The following RNF213 variants were observed in gnomAD, a reference collection of about 807,000 sequenced individuals.
The protein encoded by RNF213 is ring finger protein 213, also known as E3 ubiquitin-protein ligase RNF213.
A neutral mutation model predicts 514.4 loss-of-function variants in RNF213; 341 were observed. The ratio of observed to expected loss-of-function variants is 0.66; its 90% CI spans 0.61 to 0.73. RNF213 has a LOEUF of 0.73. Among genes scored for constraint, RNF213 ranks in the 30% least tolerant of loss-of-function variants. RNF213 has a pLI of 0.00. For missense variants in RNF213, 5,767 were observed against 6,615.6 expected (o/e 0.87, Z 4.45); for synonymous variants, 2,655 against 2,658.2 (o/e 1.00, Z 0.04).
intron 22 of RNF213, among the ~76,000 whole-genome samples, chr17:80,335,643 A>T (rs2077966729): frequency 6.6e-6 from 1 of 152,190 alleles, no homozygotes; most frequent in African/African-American, 2.4e-5. Context: ...GGGACATTGA[A>T]ATTGCTCAGG....
chr17:80,328,887 C>T (rs767634608), intron 20 of RNF213, among the ~76,000 whole-genome samples: 3 of 152,194 alleles, frequency 2.0e-5, no homozygotes, highest in Non-Finnish European at 4.4e-5. Flanking sequence ...AAGTGAACCA[C>T]GAAAGAAACC....
chr17:80,355,504 A>AATGGGAATGGGGG (rs2078734025), intron 36 of RNF213, among the ~76,000 whole-genome samples: 1 of 48,812 alleles, frequency 2.0e-5, no homozygotes, highest in African/African-American at 7.3e-5. Context: ...AAGCGGGGTG[A>AATGGGAATGGGGG]CCGGGAATGG....
chr17:80,340,472 G>A (rs2078121030), intron 26 of RNF213, 116 bp downstream of exon 26: 3 of 1,014,732 alleles, frequency 3.0e-6, no homozygotes, highest in Non-Finnish European at 1.5e-6. Flanking sequence ...CAGGGAGGGT[G>A]TGATTCATCT....
At chr17:80,294,075 C>T (rs796716173) in intron 8 of RNF213, among the ~76,000 whole-genome samples, 5 of 152,320 alleles carry the variant, frequency 3.3e-5, no homozygotes, top group African/African-American at 1.2e-4. Context: ...TTCACGTGGC[C>T]TCTGACCCTG....
At position 80,317,053 on chromosome 17, in the gene RNF213, G is replaced by T. The variant is rs867509259; in HGVS notation, c.2812-135G>T. 4.1e-6 allele frequency: 4 copies of T among 972,792 alleles called. No individual in the cohort carries two copies. Among genetic ancestry groups the T allele is most frequent in the South Asian group, 1.4e-5 (1 of 71,922 alleles). The allele number at this position is 972,792 out of a possible 1,614,324, so 60.3% of individuals were successfully genotyped here. On this transcript the variant is annotated intron_variant, in intron 15 of 67. Coordinates refer to ENST00000582970, the MANE Select transcript of RNF213 (RefSeq NM_001256071.3). The surrounding 1 kb of genome is among the most constrained non-coding windows in gnomAD (Gnocchi z 4.1). ...CTAGCATGGCTGACTGTTGATGAAG[G>T]TTGGGGAGAGCCCTGGTGTTCGCGG...
rs201579066 is a variant in RNF213, at chr17:80,345,065, C to T, written c.6730C>T (p.Leu2244=). 247 of 1,614,150 alleles carry T rather than the reference C, an allele frequency of 1.5e-4. 2 individuals are homozygous for T. The South Asian group carries it at 2.6e-3, about 17-fold the overall frequency. The change falls in exon 29 of 68, where the codon CTG becomes TTG. Residue 2244 remains leucine, a synonymous_variant. Transcript: ENST00000582970. This position sits in a 1 kb window ranked among gnomAD's most constrained non-coding sequence, Gnocchi z 6.0. Reference sequence around the variant, plus strand: ...CAATCCGAGTTTTATTGGCGACACACTGAGGGGCTTCAAGAAGTTCGTGGT... The same window carrying T: ...CAATCCGAGTTTTATTGGCGACACATTGAGGGGCTTCAAGAAGTTCGTGGT... ...FCNPSFIGDT[L]RGFKKFVVTF...
At chr17:80,268,609 G>T (rs1269917581) in intron 2 of RNF213, among the ~76,000 whole-genome samples, 2 of 147,312 alleles carry the variant, frequency 1.4e-5, no homozygotes, top group Non-Finnish European at 3.0e-5. Flanking sequence ...CCATCTGTTT[G>T]TCCATCCATC....
At chr17:80,358,526 C>G (rs891373383) in intron 37 of RNF213, 47 bp downstream of exon 37, 2 of 1,541,512 alleles carry the variant, frequency 1.3e-6, no homozygotes, top group African/African-American at 1.4e-5. Context: ...TATCAGAACA[C>G]AGCAGGACCC....
intron 17 of RNF213, chr17:80,319,744 T>C: frequency 7.4e-7 from 1 of 1,356,820 alleles, no homozygotes; most frequent in South Asian, 1.5e-5. Context: ...TATCAATTTA[T>C]TTAGCTCTTT....
At position 80,371,734 on chromosome 17, in the gene RNF213, C is replaced by A. The variant is rs2079524230; in HGVS notation, c.12426-140C>A. 9.9e-6 allele frequency: 6 copies of A among 609,106 alleles called. No homozygotes were observed. In the South Asian group the frequency reaches 1.2e-4, roughly 12 times the overall value. The allele number at this position is 609,106 out of a possible 1,614,324, so 37.7% of individuals were successfully genotyped here. On this transcript the variant is annotated intron_variant, in intron 46 of 67. Transcript: ENST00000582970. ...TATGCTAAAAGGTTTTCCATAAAATCTTAGAAACCACGTATATGTATGTAT... is the reference window on the plus strand; with the variant it reads ...TATGCTAAAAGGTTTTCCATAAAATATTAGAAACCACGTATATGTATGTAT...
In RNF213 at chr17:80,369,489, C is replaced by G; in HGVS notation, c.12156-13C>G. The G allele has an allele frequency of 6.2e-7, 1 of 1,612,280 alleles. No homozygotes were observed. The highest frequency in any genetic ancestry group is 8.5e-7 in the Non-Finnish European group (1 of 1,179,678). On this transcript the variant is annotated splice_polypyrimidine_tract_variant and intron_variant, in intron 44 of 67. Transcript: ENST00000582970. The stretch of plus-strand genomic sequence containing the variant: ...AACACCATCCACCTGTCTTCTGTTT[C>G]TCGTGTTCTAAGGGAAGCCATTGAA...
chr17:80,306,362 T>C lies in RNF213; in HGVS notation c.2321T>C (p.Met774Thr), dbSNP rs1488161554. The C allele has an allele frequency of 6.2e-7, 1 of 1,614,086 alleles. No individual in the cohort carries two copies. The highest frequency in any genetic ancestry group is 8.5e-7 in the Non-Finnish European group (1 of 1,180,048). Residue 774 changes from methionine (M) to threonine (T), a missense_variant, in exon 12 of 68, where the codon ATG becomes ACG. Met to Thr is a moderately conservative substitution (Grantham distance 81, BLOSUM62 -1). This residue lies in a region of RNF213 where 592 missense variants were observed against 673.9 expected (regional missense o/e 0.88). Coordinates refer to ENST00000582970, the MANE Select transcript of RNF213 (RefSeq NM_001256071.3). ...LLPLSHLVMY[M>T]ENFIEHLGRF... ...CCTCTGAGTCACCTGGTTATGTATA[T>C]GGAAAACTTCATTGAGCACCTGGGT... is the stretch of plus-strand genomic sequence containing the variant.
Position 80,309,053 on chromosome 17 carries a change from CTG to C in RNF213, c.2543_2544del (p.Cys848SerfsTer5). On this transcript the variant is annotated frameshift_variant, in exon 14 of 68. Transcript: ENST00000582970. LOFTEE classifies it high-confidence loss of function. The stretch of plus-strand genomic sequence containing the variant: ...GAGGCCTTGTCACCATCCTACCTGA[CTG>C]TGTGTCTGAAACTGCATGAAGCCAT... 6.2e-7 allele frequency: 1 copy of C among 1,614,190 alleles called. No individual in the cohort carries two copies. Among genetic ancestry groups the C allele is most frequent in the South Asian group, 1.1e-5 (1 of 91,076 alleles).
Position 80,376,649 on chromosome 17 carries a change from C to T in RNF213, c.13428+106C>T, listed in dbSNP as rs146342433. On this transcript the variant is annotated intron_variant, in intron 52 of 67. Coordinates refer to ENST00000582970, the MANE Select transcript of RNF213 (RefSeq NM_001256071.3). ...TGGGAACTCTTGAGCATCTTTATCT[C>T]CTCAGTTCTCTGCCTTTGTGTCACC... The T allele has an allele frequency of 9.9e-5, 146 of 1,478,986 alleles. No individual in the cohort carries two copies. In the African/African-American group the frequency reaches 1.7e-3, roughly 17 times the overall value. The allele number at this position is 1,478,986 out of a possible 1,614,324, so 91.6% of individuals were successfully genotyped here. A position where few individuals can be genotyped will look rare whatever the true frequency, so the allele number is the denominator to read the frequency against.
intron 22 of RNF213, 42 bp from the exon 23 acceptor site, chr17:80,336,119 G>A (rs776532193): frequency 9.2e-5 from 136 of 1,474,496 alleles, no homozygotes; most frequent in Non-Finnish European, 1.2e-4. Context: ...TTGTGCTATC[G>A]TGGAATAGTC....
intron 12 of RNF213, 55 bp from the exon 13 acceptor site, chr17:80,307,073 C>T: frequency 6.5e-7 from 1 of 1,541,378 alleles, no homozygotes; most frequent in Non-Finnish European, 9.0e-7. Flanking sequence ...TTAGCAATGA[C>T]AGTGGCATTG....
chr17:80,363,506 C>G (rs892931009), intron 40 of RNF213, 103 bp from the exon 41 acceptor site: 29 of 1,395,046 alleles, frequency 2.1e-5, no homozygotes, highest in Non-Finnish European at 2.8e-5. Context: ...AAGTTTAGGT[C>G]GCAAGCCTGG....
chr17:80,363,054 C>T (rs1196241358), intron 39 of RNF213, 48 bp from the exon 40 acceptor site: 3 of 1,519,950 alleles, frequency 2.0e-6, no homozygotes, highest in Non-Finnish European at 2.7e-6. Flanking sequence ...GAAAACATAC[C>T]ATTTTTGTAA....
Position 80,358,326 on chromosome 17 carries a change from C to T in RNF213, c.10901C>T (p.Pro3634Leu). The T allele has an allele frequency of 1.2e-6, 2 of 1,614,164 alleles. No individual in the cohort carries two copies. Among genetic ancestry groups the T allele is most frequent in the Non-Finnish European group, 1.7e-6 (2 of 1,180,020 alleles). ...AAGCGGGTCCAAGGTGCTGTCACCC[C>T]TCTGCTGGCGAGCATGATATCATTC... is the stretch of plus-strand genomic sequence containing the variant. ...LWKRVQGAVTPLLASMISFID... is the reference protein window; with the variant it reads ...LWKRVQGAVTLLLASMISFID... The change falls in exon 37 of 68, where the codon CCT becomes CTT. Residue 3634 changes from proline (P) to leucine (L), a missense_variant. Physicochemically the swap from Pro to Leu is moderately conservative, Grantham distance 98. Transcript: ENST00000582970.
Sources: gnomAD v4.1 joint callset for allele counts (sites outside exome capture counted in the v4.1 genomes callset) on GRCh38, gnomAD v4.1.1 for gene constraint, gnomAD v4.1.1 regional missense constraint, Gnocchi (gnomAD v3.1) non-coding constraint, MANE v1.5 for transcripts, NCBI Gene and HGNC (gene_info 2026-07-23, HGNC 2026-07-21) for gene names.